TMEM272: variants seen among roughly 807,000 people sequenced by gnomAD.
The protein encoded by TMEM272 is long intergenic non-protein coding RNA 282.
TMEM272 carries 8 observed loss-of-function variants against 3.7 expected under a neutral mutation model. The ratio of observed to expected loss-of-function variants is 2.17; its 90% CI spans 1.27 to 3.91. TMEM272 has a LOEUF of 3.91. TMEM272 is among the 30% of genes most tolerant of loss of function. TMEM272 has a pLI of 0.00. For missense variants in TMEM272, 166 were observed against 91.5 expected (o/e 1.81, Z -3.32); for synonymous variants, 63 against 39.8 (o/e 1.58, Z -2.20).
the TMEM272 span, among the ~76,000 whole-genome samples, chr13:51,918,630 T>TTTAG: frequency 6.6e-6 from 1 of 152,174 alleles, no homozygotes; most frequent in Admixed American, 6.5e-5. Context: ...TTTTTATTTA[T>TTTAG]TTAGTTAGTC....
chr13:51,849,614 G>A (rs571444990), upstream of TMEM272, among the ~76,000 whole-genome samples: 4 of 151,306 alleles, frequency 2.6e-5, no homozygotes, highest in Admixed American at 1.3e-4. Context: ...AAAATCCCGG[G>A]GTCTCTTCAG....
the TMEM272 span, among the ~76,000 whole-genome samples, chr13:51,860,543 G>A: frequency 6.6e-4 from 99 of 150,612 alleles, no homozygotes; most frequent in African/African-American, 2.3e-3. Flanking sequence ...AGAGGCTGAG[G>A]TGGGATGATC....
intron 1 of TMEM272, among the ~76,000 whole-genome samples, chr13:51,843,907 T>C (rs532495417): frequency 3.0e-4 from 46 of 152,352 alleles, no homozygotes; most frequent in African/African-American, 9.6e-4. Context: ...AATTGATATA[T>C]CTCAGTGGTT....
At chr13:51,863,708 C>CACACACACACACA in the TMEM272 span, among the ~76,000 whole-genome samples, 12 of 141,132 alleles carry the variant, frequency 8.5e-5, no homozygotes, top group South Asian at 1.1e-3. Flanking sequence ...CACACACACA[C>CACACACACACACA]ACCAGCTATG....
the TMEM272 span, among the ~76,000 whole-genome samples, chr13:51,874,378 GA>G: frequency 2.0e-5 from 3 of 152,164 alleles, no homozygotes; most frequent in Non-Finnish European, 2.9e-5. Flanking sequence ...CCAAGATAGA[GA>G]GTAACTGTCT....
chr13:51,875,380 C>T, the TMEM272 span, among the ~76,000 whole-genome samples: 44 of 152,206 alleles, frequency 2.9e-4, no homozygotes, highest in African/African-American at 1.0e-3. Context: ...ATATGCCTTT[C>T]CCTTAAAGCA....
chr13:51,841,469 G>C (rs771721213), intron 1 of TMEM272, among the ~76,000 whole-genome samples: 5 of 152,170 alleles, frequency 3.3e-5, no homozygotes, highest in Non-Finnish European at 7.4e-5. Flanking sequence ...AGAAACTAAC[G>C]AGATGGGTCT....
At chr13:51,894,812 T>A in the TMEM272 span, among the ~76,000 whole-genome samples, 3 of 152,200 alleles carry the variant, frequency 2.0e-5, no homozygotes, top group Admixed American at 2.0e-4. Context: ...TTTCTATTAT[T>A]ATTACATTGT....
the TMEM272 span, among the ~76,000 whole-genome samples, chr13:51,917,645 C>T: frequency 1.3e-5 from 2 of 152,124 alleles, no homozygotes; most frequent in Non-Finnish European, 2.9e-5. Context: ...AAGGGCTCTG[C>T]GCTAAAAGCA....
the TMEM272 span, chr13:51,934,080 A>G: frequency 6.5e-6 from 1 of 154,024 alleles, no homozygotes; most frequent in Non-Finnish European, 1.4e-5. Flanking sequence ...TGTGTGAGCC[A>G]GGAAGCAGGT....
chr13:51,813,680 AG>A lies in TMEM272; in HGVS notation c.*3070del, dbSNP rs1955989100. On this transcript the variant is annotated 3_prime_UTR_variant, in exon 5 of 5. Transcript: ENST00000629372. ...GCAAACAAGTCCTTGGGTAGCTCTC[AG>A]GGTTCACCAAGATTTGAGAACCACT... The A allele has an allele frequency of 6.0e-6, 1 of 167,310 alleles. No homozygotes were observed. Among genetic ancestry groups the A allele is most frequent in the Admixed American group, 6.4e-5 (1 of 15,692 alleles). 10.4% of individuals were successfully genotyped at this position (167,310 alleles called of 1,614,324 possible).
intron 2 of TMEM272, among the ~76,000 whole-genome samples, chr13:51,837,902 C>T (rs909446706): frequency 6.6e-6 from 1 of 152,212 alleles, no homozygotes; most frequent in Middle Eastern, 3.2e-3. Context: ...CCTTTATCCA[C>T]ATTTCATCTG....
chr13:51,828,708 G>A (rs1468903356), intron 2 of TMEM272, among the ~76,000 whole-genome samples: 1 of 152,178 alleles, frequency 6.6e-6, no homozygotes, highest in East Asian at 1.9e-4. Flanking sequence ...AGTGAAGTTG[G>A]ACAGGACAGT....
the TMEM272 span, among the ~76,000 whole-genome samples, chr13:51,925,529 C>T: frequency 9.9e-5 from 15 of 152,138 alleles, no homozygotes; most frequent in African/African-American, 3.4e-4. Context: ...CATACACACA[C>T]ACCCCTACAC....
the TMEM272 span, among the ~76,000 whole-genome samples, chr13:51,896,976 C>T: frequency 3.3e-5 from 5 of 152,120 alleles, no homozygotes; most frequent in Admixed American, 6.5e-5. Context: ...CCATGTACAC[C>T]GTCAGAAGAC....
At chr13:51,931,984 A>G in the TMEM272 span, among the ~76,000 whole-genome samples, 1 of 152,198 alleles carries the variant, frequency 6.6e-6, no homozygotes, top group Admixed American at 6.5e-5. Flanking sequence ...AAGGTTCTAA[A>G]GTACGTAGTC....
intron 4 of TMEM272, among the ~76,000 whole-genome samples, chr13:51,821,110 G>T (rs1325608373): frequency 1.3e-5 from 2 of 152,198 alleles, no homozygotes. Context: ...AAGGATCCCC[G>T]CACCAGAAGG....
the TMEM272 span, among the ~76,000 whole-genome samples, chr13:51,913,762 C>T: frequency 1.7e-3 from 257 of 152,288 alleles, no homozygotes; most frequent in Admixed American, 3.0e-3. Context: ...GAAAAGATGT[C>T]TGCAGTACAA....
the TMEM272 span, among the ~76,000 whole-genome samples, chr13:51,928,822 G>T: frequency 6.6e-6 from 1 of 152,162 alleles, no homozygotes; most frequent in Admixed American, 6.5e-5. Context: ...AACACAGGTG[G>T]TAGAACATGG....
Sources: allele counts gnomAD v4.1 joint callset (sites outside exome capture counted in the v4.1 genomes callset), GRCh38; gene constraint gnomAD v4.1.1; transcripts MANE v1.5; gene names NCBI Gene and HGNC (gene_info 2026-07-23, HGNC 2026-07-21).